The following RAPGEF6 variants were observed in gnomAD, a reference collection of about 807,000 sequenced individuals.
RAPGEF6 encodes the protein Rap guanine nucleotide exchange factor 6, also known as PDZ domain containing guanine nucleotide exchange factor (GEF) 2.
Under a neutral mutation model 171.4 loss-of-function variants are expected in RAPGEF6, and 56 were observed. The ratio of observed to expected loss-of-function variants is 0.33; its 90% confidence interval spans 0.26 to 0.41. The LOEUF (loss-of-function observed/expected upper bound fraction) is 0.41, where lower values mean the gene tolerates loss of function less well. Among genes scored for constraint, RAPGEF6 ranks in the 10% least tolerant of loss-of-function variants. The pLI is 1.00. For missense variants in RAPGEF6, 1,674 were observed against 1,921.4 expected (o/e 0.87, Z 2.41); for synonymous variants, 692 against 650.1 (o/e 1.06, Z -0.98).
chr5:131,552,689 G>A (rs1468139397), intron 5 of RAPGEF6, among the ~76,000 whole-genome samples: 7 of 151,922 alleles, frequency 4.6e-5, no homozygotes, highest in Non-Finnish European at 8.8e-5. Flanking sequence ...TCGAACTCCT[G>A]ATCTCAGGTG....
rs191338634 is a variant in RAPGEF6 at position 131,628,114 on chromosome 5, G to A, written c.69+6848C>T. ...TGGCCCCTAAGTGTTCAAGTGAAAAGAGTCACCTATCTCTCACTTTAAATC... is the reference window on the plus strand; with the variant it reads ...TGGCCCCTAAGTGTTCAAGTGAAAAAAGTCACCTATCTCTCACTTTAAATC... On this transcript the variant is annotated intron_variant, in intron 1 of 27. Transcript: ENST00000509018. 7.7e-4 allele frequency among the ~76,000 whole-genome samples: 117 copies of A among 152,238 alleles called. 1 individual carries two copies. The highest frequency in any genetic ancestry group is 1.0e-3 in the Non-Finnish European group (68 of 68,024).
At chr5:131,478,198 G>T (rs1466861848) in intron 16 of RAPGEF6, among the ~76,000 whole-genome samples, 1 of 152,138 alleles carries the variant, frequency 6.6e-6, no homozygotes, top group African/African-American at 2.4e-5. Context: ...CTGGAAATAA[G>T]AACTCAGGAA....
intron 6 of RAPGEF6, among the ~76,000 whole-genome samples, chr5:131,544,519 A>C (rs1245416300): frequency 2.0e-5 from 3 of 152,230 alleles, no homozygotes; most frequent in Non-Finnish European, 4.4e-5. Context: ...CAGTGACAGA[A>C]AGCAGATAAA....
intron 1 of RAPGEF6, among the ~76,000 whole-genome samples, chr5:131,619,928 C>T (rs979939646): frequency 8.5e-5 from 13 of 152,116 alleles, no homozygotes; most frequent in African/African-American, 2.7e-4. Flanking sequence ...TCAATTTCCC[C>T]GTATGTAAAA....
At chr5:131,615,144 TG>T (rs1366921636) in intron 1 of RAPGEF6, among the ~76,000 whole-genome samples, 1 of 152,244 alleles carries the variant, frequency 6.6e-6, no homozygotes. Context: ...TATGTCACTC[TG>T]GATTGTCTGA....
At chr5:131,541,458 C>T (rs1760137236) in intron 6 of RAPGEF6, among the ~76,000 whole-genome samples, 1 of 152,038 alleles carries the variant, frequency 6.6e-6, no homozygotes, top group Non-Finnish European at 1.5e-5. Flanking sequence ...TAAACTGGAG[C>T]TAAATAAGAA....
intron 17 of RAPGEF6, chr5:131,469,891 A>G: frequency 8.4e-7 from 1 of 1,192,060 alleles, no homozygotes; most frequent in Admixed American, 2.5e-5. Flanking sequence ...CTTTGCCCCC[A>G]CTTTCATTTT....
At position 131,495,561 on chromosome 5, in the gene RAPGEF6, C is replaced by T. The variant is rs768393907; in HGVS notation, c.1519G>A (p.Glu507Lys). 1 of 1,613,178 alleles carries T rather than the reference C, an allele frequency of 6.2e-7. No individual in the cohort carries two copies. The highest frequency in any genetic ancestry group is 2.2e-5 in the East Asian group (1 of 44,836). Residue 507 changes from glutamate (E) to lysine (K), a missense_variant, in exon 13 of 28, where the codon GAA becomes AAA. Transcript: ENST00000509018. ...RFLEEFEKNL[E>K]DTKMNGHLRL... ...ATTATTTTGAGCCTTACTGTATCTT[C>T]CAGATTTTTTTCAAATTCCTCTAGA...
rs531043797 is a variant in RAPGEF6, at chr5:131,548,271, T to A, written c.352-81A>T. The A allele has an allele frequency of 2.9e-5, 40 of 1,376,716 alleles. No homozygotes were observed. In the African/African-American group the frequency reaches 5.5e-4, roughly 19 times the overall value. 85.3% of individuals were successfully genotyped at this position (1,376,716 alleles called of 1,614,324 possible). A position where few individuals can be genotyped will look rare whatever the true frequency, so the allele number is the denominator to read the frequency against. On this transcript the variant is annotated intron_variant, in intron 5 of 27. Coordinates refer to ENST00000509018, the MANE Select transcript of RAPGEF6 (RefSeq NM_016340.6). The stretch of plus-strand genomic sequence containing the variant: ...AATCTATGGAGTCTTAACAGACTCA[T>A]AAGGAAGCTTCATTTACTTCTTACA...
chr5:131,598,933 T>C lies in RAPGEF6; in HGVS notation c.197+4338A>G, dbSNP rs193233258. Among the ~76,000 whole-genome samples the C allele has an allele frequency of 7.9e-4, 121 of 152,322 alleles. 1 individual carries two copies. Among genetic ancestry groups the C allele is most frequent in the African/African-American group, 2.7e-3 (113 of 41,568 alleles). ...ACACAGAAAGGCAAAGCAACAGTGA[T>C]AGCCAAGACAATCTTGAAGAACAAG... On this transcript the variant is annotated intron_variant, in intron 3 of 27. Transcript: ENST00000509018.
chr5:131,447,850 T>C (rs1284564228), intron 21 of RAPGEF6, among the ~76,000 whole-genome samples: 3 of 152,228 alleles, frequency 2.0e-5, no homozygotes, highest in Non-Finnish European at 4.4e-5. Flanking sequence ...TTACACTGAA[T>C]GGCAACTTTC....
At chr5:131,469,736 A>G in intron 17 of RAPGEF6, 2 of 1,255,424 alleles carry the variant, frequency 1.6e-6, no homozygotes, top group Non-Finnish European at 2.2e-6. Flanking sequence ...TTGGACTTTT[A>G]AAAAATAACA....
chr5:131,569,678 T>C (rs890741065), intron 4 of RAPGEF6, among the ~76,000 whole-genome samples: 3 of 152,134 alleles, frequency 2.0e-5, no homozygotes, highest in Admixed American at 2.0e-4. Flanking sequence ...AAAGCTCTAT[T>C]CTCAAAAATA....
At chr5:131,483,470 A>G (rs1343422671) in intron 15 of RAPGEF6, among the ~76,000 whole-genome samples, 2 of 152,162 alleles carry the variant, frequency 1.3e-5, no homozygotes, top group Admixed American at 6.5e-5. Flanking sequence ...ATTAAAAAAA[A>G]TAGGGACAAA....
At chr5:131,483,793 G>A (rs1003489508) in intron 15 of RAPGEF6, among the ~76,000 whole-genome samples, 1 of 151,840 alleles carries the variant, frequency 6.6e-6, no homozygotes, top group African/African-American at 2.4e-5. Flanking sequence ...TATAAAAAGG[G>A]GCAGATGAAG....
At chr5:131,568,223 T>C (rs1762063043) in intron 4 of RAPGEF6, among the ~76,000 whole-genome samples, 1 of 152,236 alleles carries the variant, frequency 6.6e-6, no homozygotes, top group Non-Finnish European at 1.5e-5. Flanking sequence ...TTTTTAAATG[T>C]CTCATCTGTT....
chr5:131,519,368 T>C (rs1458687486), intron 7 of RAPGEF6, among the ~76,000 whole-genome samples: 2 of 152,164 alleles, frequency 1.3e-5, no homozygotes, highest in Non-Finnish European at 2.9e-5. Context: ...GAGATGTGGA[T>C]ATCCCAGTGA....
intron 13 of RAPGEF6, among the ~76,000 whole-genome samples, chr5:131,494,543 GA>G (rs1756500219): frequency 6.6e-6 from 1 of 152,194 alleles, no homozygotes; most frequent in South Asian, 2.1e-4. Context: ...TGCAGAACTG[GA>G]AAATAAAATA....
At chr5:131,430,722 C>T (rs192257735) in intron 26 of RAPGEF6, 137 bp downstream of exon 26, 17 of 1,234,182 alleles carry the variant, frequency 1.4e-5, no homozygotes, top group African/African-American at 1.5e-5. Flanking sequence ...TGGGAAATAA[C>T]TTGTTTGTTT....
Sources: allele counts gnomAD v4.1 joint callset (sites outside exome capture counted in the v4.1 genomes callset), GRCh38; gene constraint gnomAD v4.1.1; transcripts MANE v1.5; gene names NCBI Gene and HGNC (gene_info 2026-07-23, HGNC 2026-07-21).